Variants in LRBA observed in about 807,000 individuals in gnomAD.
The protein encoded by LRBA is lipopolysaccharide-responsive and beige-like anchor protein.
In LRBA, 176 loss-of-function variants were observed where a neutral mutation model predicts 330.0. The ratio of observed to expected loss-of-function variants is 0.53; its 90% CI spans 0.47 to 0.60. LRBA has a LOEUF of 0.60. LRBA is among the 20% of genes least tolerant of loss of function. The probability of loss-of-function intolerance (pLI) is 0.00; values close to 1 mark genes in which losing one functional copy is unlikely to be tolerated. For synonymous variants in LRBA, 1,230 were observed against 1,193.0 expected (o/e 1.03, Z -0.64); for missense variants, 3,259 against 3,444.8 (o/e 0.95, Z 1.35).
chr4:150,304,917 T>C (rs1730162788), intron 52 of LRBA, among the ~76,000 whole-genome samples: 1 of 152,192 alleles, frequency 6.6e-6, no homozygotes, highest in Admixed American at 6.5e-5. Context: ...ATATACATCA[T>C]ACATCATGAA....
intron 22 of LRBA, among the ~76,000 whole-genome samples, chr4:150,864,696 G>A (rs1230927093): frequency 6.8e-6 from 1 of 146,610 alleles, no homozygotes; most frequent in African/African-American, 2.6e-5. Context: ...ACCCAGGCTG[G>A]AGTATAGTGG....
chr4:150,440,259 A>G (rs1322478685), intron 44 of LRBA, among the ~76,000 whole-genome samples: 1 of 152,202 alleles, frequency 6.6e-6, no homozygotes, highest in East Asian at 1.9e-4. Flanking sequence ...AAAGTATAAA[A>G]GTGGTATAAT....
intron 37 of LRBA, among the ~76,000 whole-genome samples, chr4:150,640,149 G>A (rs1358393429): frequency 2.6e-5 from 4 of 151,710 alleles, no homozygotes; most frequent in African/African-American, 4.8e-5. Context: ...GAGCCACCAC[G>A]CCCGGCCCCA....
intron 2 of LRBA, among the ~76,000 whole-genome samples, chr4:150,933,531 G>A (rs1017108439): frequency 2.0e-5 from 3 of 152,062 alleles, no homozygotes; most frequent in Non-Finnish European, 2.9e-5. Flanking sequence ...CAATTTGAGT[G>A]TAAATCATTT....
chr4:150,608,618 T>C (rs549249643), intron 37 of LRBA, among the ~76,000 whole-genome samples: 3 of 152,332 alleles, frequency 2.0e-5, no homozygotes, highest in South Asian at 2.1e-4. Context: ...GTATACACCA[T>C]AATGCTCACC....
intron 17 of LRBA, among the ~76,000 whole-genome samples, chr4:150,873,415 A>AC (rs200005314): frequency 0.023 from 3,475 of 152,134 alleles, 122 homozygotes; most frequent in African/African-American, 0.079. Flanking sequence ...ACATGGTGAG[A>AC]CCCCATCTCT....
chr4:150,604,130 TGG>T (rs968095194), intron 37 of LRBA, among the ~76,000 whole-genome samples: 33 of 152,218 alleles, frequency 2.2e-4, no homozygotes, highest in African/African-American at 7.9e-4. Flanking sequence ...ATTTTTAGGC[TGG>T]GCACTGTGGC....
rs1299304679 is a variant in LRBA, at chr4:150,335,502, TACAC to T, written c.7363-9608_7363-9605del. Among the ~76,000 whole-genome samples the T allele has an allele frequency of 2.8e-5, 4 of 144,522 alleles. No homozygotes were observed. The East Asian group carries it at 8.0e-4, about 29-fold the overall frequency. 94.8% of individuals were successfully genotyped at this position (144,522 alleles called of 152,430 possible). On this transcript the variant is annotated intron_variant, in intron 48 of 56. Coordinates refer to ENST00000651943, the MANE Select transcript of LRBA (RefSeq NM_001364905.1). The stretch of plus-strand genomic sequence containing the variant: ...GTATATATGTGTGTGTATATATATA[TACAC>T]ACACATATACGTATTATATATGTGT...
At chr4:150,429,573 A>G (rs1679735628) in intron 46 of LRBA, among the ~76,000 whole-genome samples, 1 of 152,186 alleles carries the variant, frequency 6.6e-6, no homozygotes. Flanking sequence ...GTTAAATTTA[A>G]GATACAGTTT....
At chr4:150,491,137 T>A (rs1237032281) in intron 40 of LRBA, 102 bp from the exon 41 acceptor site, 3 of 493,154 alleles carry the variant, frequency 6.1e-6, no homozygotes, top group Non-Finnish European at 1.1e-5. Flanking sequence ...AGAAAAATAA[T>A]TTTTAAGAAA....
At chr4:150,431,981 T>A (rs1457372021) in intron 46 of LRBA, among the ~76,000 whole-genome samples, 2 of 152,178 alleles carry the variant, frequency 1.3e-5, no homozygotes, top group Admixed American at 6.5e-5. Context: ...CTTCATTTCA[T>A]AGGAATAACC....
chr4:150,888,788 A>G (rs1729194006), intron 17 of LRBA, among the ~76,000 whole-genome samples: 1 of 152,244 alleles, frequency 6.6e-6, no homozygotes, highest in Non-Finnish European at 1.5e-5. Flanking sequence ...TACAATATCA[A>G]TAATTACATT....
chr4:150,329,503 T>C (rs910796295), intron 48 of LRBA, among the ~76,000 whole-genome samples: 15 of 152,200 alleles, frequency 9.9e-5, no homozygotes, highest in African/African-American at 3.6e-4. Flanking sequence ...GTCTACTCCT[T>C]TAATCTCTGT....
intron 40 of LRBA, among the ~76,000 whole-genome samples, chr4:150,503,402 C>T (rs560078902): frequency 2.2e-4 from 34 of 152,236 alleles, no homozygotes; most frequent in South Asian, 8.3e-4. Context: ...CACCAATATC[C>T]GCTGTTCTGC....
chr4:150,908,253 T>G, intron 11 of LRBA, 81 bp downstream of exon 11: 2 of 1,430,556 alleles, frequency 1.4e-6, no homozygotes, highest in Non-Finnish European at 1.9e-6. Context: ...CAACAAAACC[T>G]GAAAGGCAAA....
chr4:150,530,397 C>T (rs1763932788), intron 40 of LRBA, among the ~76,000 whole-genome samples: 1 of 152,174 alleles, frequency 6.6e-6, no homozygotes, highest in African/African-American at 2.4e-5. Context: ...GGGCTCTCCT[C>T]ATATCCCTTG....
At chr4:151,000,343 T>C (rs946842907) in intron 2 of LRBA, among the ~76,000 whole-genome samples, 3 of 152,210 alleles carry the variant, frequency 2.0e-5, no homozygotes, top group Non-Finnish European at 4.4e-5. Context: ...TCGTACATAC[T>C]GCAAACCTTA....
At chr4:150,804,325 T>C (rs868437679) in intron 33 of LRBA, among the ~76,000 whole-genome samples, 5 of 152,278 alleles carry the variant, frequency 3.3e-5, no homozygotes, top group Admixed American at 2.0e-4. Context: ...ATGAAAATAA[T>C]ATCGCTCATC....
chr4:150,405,102 CACA>C (rs1279981877), intron 47 of LRBA, among the ~76,000 whole-genome samples: 2 of 152,106 alleles, frequency 1.3e-5, no homozygotes, highest in African/African-American at 4.8e-5. Flanking sequence ...CATAATCAAT[CACA>C]ACAAGATGGA....
Sources: allele counts gnomAD v4.1 joint callset (sites outside exome capture counted in the v4.1 genomes callset), GRCh38; gene constraint gnomAD v4.1.1; transcripts MANE v1.5; gene names NCBI Gene and HGNC (gene_info 2026-07-23, HGNC 2026-07-21).